Variants in HYDIN observed in about 807,000 individuals in gnomAD.
HYDIN encodes the protein HYDIN axonemal central pair apparatus protein, also known as axonemal central pair apparatus protein HYDIN.
In HYDIN, 132 loss-of-function variants were observed where a neutral mutation model predicts 403.9. That is an observed-to-expected ratio of 0.33 (90% CI 0.28 to 0.38). HYDIN has a LOEUF of 0.38. HYDIN is among the 10% of genes least tolerant of loss of function. The pLI is 1.00. For synonymous variants in HYDIN, 1,202 were observed against 1,891.7 expected (o/e 0.64, Z 9.46); for missense variants, 2,827 against 5,009.5 (o/e 0.56, Z 13.15).
intron 45 of HYDIN, among the ~76,000 whole-genome samples, chr16:70,929,123 C>T (rs1218188820): frequency 2.0e-5 from 3 of 148,822 alleles, no homozygotes; most frequent in Non-Finnish European, 3.0e-5. Flanking sequence ...AACCTTGTCT[C>T]TACTAAAAAT....
rs1346530525 is a variant in HYDIN at position 70,818,318 on chromosome 16, C to T, written c.14658+24G>A. Reference sequence around the variant, plus strand: ...AGCCACTCTCACAGCTCTCAGGGAGCCCCCGACAGCCAAGGGGCCGTACCT... The same window carrying T: ...AGCCACTCTCACAGCTCTCAGGGAGTCCCCGACAGCCAAGGGGCCGTACCT... On this transcript the variant is annotated intron_variant, in intron 84 of 85. Coordinates refer to ENST00000393567, the MANE Select transcript of HYDIN (RefSeq NM_001270974.2). 5 of 1,549,094 alleles carry T rather than the reference C, an allele frequency of 3.2e-6. No individual in the cohort carries two copies. The South Asian group carries it at 3.4e-5, about 11-fold the overall frequency.
chr16:70,956,358 C>T (rs1376489234), intron 39 of HYDIN, among the ~76,000 whole-genome samples: 5 of 151,656 alleles, frequency 3.3e-5, no homozygotes, highest in South Asian at 4.2e-4. Context: ...AGCCTATGGT[C>T]GCTAAGTACA....
At chr16:71,187,732 T>C (rs547919999) in intron 1 of HYDIN, among the ~76,000 whole-genome samples, 3 of 151,810 alleles carry the variant, frequency 2.0e-5, no homozygotes, top group Non-Finnish European at 4.4e-5. Context: ...AAGAGCTATA[T>C]AAAGGAAAGT....
intron 18 of HYDIN, among the ~76,000 whole-genome samples, chr16:71,043,319 G>A (rs945232939): frequency 1.3e-5 from 2 of 150,304 alleles, no homozygotes; most frequent in Non-Finnish European, 3.0e-5. Flanking sequence ...AACCTTCTCC[G>A]TAAATTCCTT....
intron 5 of HYDIN, among the ~76,000 whole-genome samples, chr16:71,174,346 T>C (rs1049458667): frequency 6.6e-6 from 1 of 152,196 alleles, no homozygotes; most frequent in Non-Finnish European, 1.5e-5. Flanking sequence ...GGTAATGATA[T>C]TGACAGCAGC....
intron 5 of HYDIN, among the ~76,000 whole-genome samples, chr16:71,169,730 G>C (rs1797778710): frequency 6.6e-6 from 1 of 152,082 alleles, no homozygotes; most frequent in Admixed American, 6.5e-5. Context: ...AGAAGTTCAG[G>C]AGACCTATTA....
Position 70,992,093 on chromosome 16 carries a change from C to T in HYDIN, c.3762G>A (p.Glu1254=), listed in dbSNP as rs751204789. ...PAILVTVESP[E]MDLNDFVKTV... is the part of the protein sequence containing the mutation. ...ACTTAACAAAATCATTTAAATCCAT[C>T]TCGGGGGACTCTACTGTAACTAGGA... The change falls in exon 24 of 86, where the codon GAG becomes GAA. Residue 1254 remains glutamate (E), a synonymous_variant. Coordinates refer to ENST00000393567, the MANE Select transcript of HYDIN (RefSeq NM_001270974.2). 7.4e-6 allele frequency: 12 copies of T among 1,613,598 alleles called. No individual in the cohort carries two copies. In the East Asian group the frequency reaches 1.8e-4, roughly 24 times the overall value.
chr16:71,029,779 T>C (rs1195742978), intron 19 of HYDIN, among the ~76,000 whole-genome samples: 1 of 151,888 alleles, frequency 6.6e-6, no homozygotes, highest in Admixed American at 6.6e-5. Context: ...CCATATTTTG[T>C]AGATGGAGCA....
chr16:70,811,687 G>A (rs745676709), intron 84 of HYDIN, among the ~76,000 whole-genome samples: 3 of 151,194 alleles, frequency 2.0e-5, no homozygotes, highest in Admixed American at 6.6e-5. Flanking sequence ...GAGAAACCCC[G>A]TCTCTACTAA....
At chr16:71,212,589 T>A (rs1270463477) in intron 1 of HYDIN, among the ~76,000 whole-genome samples, 1 of 152,110 alleles carries the variant, frequency 6.6e-6, no homozygotes, top group Non-Finnish European at 1.5e-5. Flanking sequence ...AATAGTATAT[T>A]TTAAATGGCT....
chr16:71,185,661 G>GA (rs532653485), intron 2 of HYDIN, among the ~76,000 whole-genome samples: 5 of 150,580 alleles, frequency 3.3e-5, no homozygotes, highest in South Asian at 2.1e-4. Context: ...AATGTTATGA[G>GA]AAAAAAAAAG....
At chr16:70,861,287 A>G (rs2039399789) in intron 69 of HYDIN, among the ~76,000 whole-genome samples, 1 of 152,014 alleles carries the variant, frequency 6.6e-6, no homozygotes, top group Non-Finnish European at 1.5e-5. Flanking sequence ...ATATGAGCAG[A>G]TGCTCAGCTC....
intron 71 of HYDIN, 117 bp downstream of exon 71, chr16:70,859,951 G>A: frequency 1.3e-6 from 1 of 796,446 alleles, no homozygotes; most frequent in Non-Finnish European, 2.1e-6. Flanking sequence ...GTTGATTGAT[G>A]CACTACACCC....
At chr16:71,216,023 G>A (rs113248518) in intron 1 of HYDIN, among the ~76,000 whole-genome samples, 27 of 152,116 alleles carry the variant, frequency 1.8e-4, no homozygotes, top group East Asian at 3.9e-4. Flanking sequence ...CTTGCTGGTC[G>A]GGCTGTAACT....
chr16:71,034,482 C>T (rs953333411), intron 18 of HYDIN, among the ~76,000 whole-genome samples: 1 of 151,694 alleles, frequency 6.6e-6, no homozygotes, highest in Admixed American at 6.6e-5. Context: ...GGCGCCACTG[C>T]AGATTAAAAA....
Position 70,901,384 on chromosome 16 carries a change from T to A in HYDIN, c.8850-182A>T, listed in dbSNP as rs535903568. 2.6e-5 allele frequency among the ~76,000 whole-genome samples: 4 copies of A among 151,710 alleles called. No homozygotes were observed. The South Asian group carries it at 8.4e-4, about 32-fold the overall frequency. ...CCCAGGTCCTAAGCCTAGTACCCAA[T>A]AGTTATTTTTTCTCCTCCTCTCCCT... On this transcript the variant is annotated intron_variant, in intron 52 of 85. Transcript: ENST00000393567.
chr16:70,810,005 G>T lies in HYDIN; in HGVS notation c.14661C>A (p.Gly4887=). 6.2e-7 allele frequency: 1 copy of T among 1,613,886 alleles called. No individual in the cohort carries two copies. Among genetic ancestry groups the T allele is most frequent in the African/African-American group, 1.3e-5 (1 of 75,042 alleles). ...GGGGCTGAAATTCAAATGAGAACGT[G>T]CCCTGGAAGAGAAAACAGAGGATCC... The part of the protein sequence containing the change: ...SQFVVPANSE[G]TFSFEFQPLK... Residue 4887 remains glycine, a splice_region_variant and synonymous_variant, in exon 85 of 86, where the codon GGC becomes GGA. Coordinates refer to ENST00000393567, the MANE Select transcript of HYDIN (RefSeq NM_001270974.2).
chr16:70,820,151 G>C (rs2036145135), intron 83 of HYDIN, among the ~76,000 whole-genome samples: 1 of 139,136 alleles, frequency 7.2e-6, no homozygotes, highest in Admixed American at 7.0e-5. Flanking sequence ...GGAGTGTTTA[G>C]TGTTTTACAT....
In HYDIN at chr16:71,009,322, C is replaced by A. The variant is rs552450681; in HGVS notation, c.3644+8807G>T. Among the ~76,000 whole-genome samples the A allele has an allele frequency of 2.6e-3, 392 of 150,058 alleles. 6 individuals are homozygous for A. In the South Asian group the frequency reaches 0.028, roughly 11 times the overall value. On this transcript the variant is annotated intron_variant, in intron 23 of 85. Coordinates refer to ENST00000393567, the MANE Select transcript of HYDIN (RefSeq NM_001270974.2). ...GATGTTATTCAAGTCCTGGATCAAG[C>A]TGTGCCTGAAGCCTGAACCTAGACT...
Sources: allele counts gnomAD v4.1 joint callset (sites outside exome capture counted in the v4.1 genomes callset), GRCh38; gene constraint gnomAD v4.1.1; transcripts MANE v1.5; gene names NCBI Gene and HGNC (gene_info 2026-07-23, HGNC 2026-07-21).